Variants in MTMR10 observed in about 807,000 individuals in gnomAD.
MTMR10 encodes the protein myotubularin-related protein 10.
In MTMR10, 56 loss-of-function variants were observed where a neutral mutation model predicts 88.1. The observed-to-expected ratio is 0.64, with a 90% confidence interval of 0.51 to 0.79. The LOEUF is 0.79. Among genes scored for constraint, MTMR10 ranks in the 30% least tolerant of loss-of-function variants. The pLI is 0.00. For synonymous variants in MTMR10, 380 were observed against 340.9 expected, an observed-to-expected ratio of 1.11 and a Z score of -1.26; for missense variants, 883 against 924.7, an observed-to-expected ratio of 0.95 and a Z score of 0.58.
chr15:30,933,753 C>CT, the MTMR10 span, among the ~76,000 whole-genome samples: 51 of 136,140 alleles, frequency 3.7e-4, no homozygotes, highest in Middle Eastern at 3.8e-3. Context: ...TATTTCTTTT[C>CT]TTTTTTTTTT....
intron 1 of MTMR10, among the ~76,000 whole-genome samples, 182 bp from the exon 2 acceptor site, chr15:30,991,019 T>C (rs1222280827): frequency 6.6e-6 from 1 of 152,180 alleles, no homozygotes; most frequent in Non-Finnish European, 1.5e-5. Flanking sequence ...GGAAGCCTAA[T>C]AATAAAAAAT....
At chr15:30,961,123 C>G (rs1238379619) in intron 6 of MTMR10, 50 bp from the exon 7 acceptor site, 5 of 1,503,998 alleles carry the variant, frequency 3.3e-6, no homozygotes, top group Non-Finnish European at 4.4e-6. Flanking sequence ...TTTTCCCCAG[C>G]ATTCCCTCTT....
At chr15:30,942,821 T>C (rs147687849) in intron 15 of MTMR10, 69 bp downstream of exon 15, 2 of 1,435,520 alleles carry the variant, frequency 1.4e-6, no homozygotes, top group Non-Finnish European at 1.9e-6. Flanking sequence ...CTTTTAACGC[T>C]CTCTGTTCTG....
chr15:30,974,285 C>A, intron 5 of MTMR10, 29 bp downstream of exon 5: 1 of 1,535,546 alleles, frequency 6.5e-7, no homozygotes, highest in South Asian at 1.3e-5. Context: ...GTACAGAACC[C>A]AGAACTTGAT....
the MTMR10 span, chr15:30,929,497 T>G: frequency 4.2e-6 from 3 of 713,086 alleles, no homozygotes; most frequent in Non-Finnish European, 6.8e-6. Flanking sequence ...TGTGTATATG[T>G]AAATACATGT....
the MTMR10 span, chr15:30,930,525 C>T: frequency 6.3e-7 from 1 of 1,581,216 alleles, no homozygotes; most frequent in Admixed American, 2.1e-5. Flanking sequence ...GGCTAACTGT[C>T]CTGTGTTTTG....
intron 5 of MTMR10, among the ~76,000 whole-genome samples, chr15:30,970,530 C>T (rs955503556): frequency 2.6e-5 from 4 of 152,128 alleles, no homozygotes; most frequent in African/African-American, 9.7e-5. Context: ...AGTGGCTACA[C>T]TAATATTCAC....
chr15:30,934,727 C>T (rs991189104), downstream of MTMR10, among the ~76,000 whole-genome samples: 1 of 152,118 alleles, frequency 6.6e-6, no homozygotes, highest in African/African-American at 2.4e-5. Flanking sequence ...GGCTTGTTAG[C>T]TGTAACTGTT....
chr15:30,926,653 CAG>C, the MTMR10 span: 3,513 of 985,282 alleles, frequency 3.6e-3, 90 homozygotes, highest in African/African-American at 0.055. Flanking sequence ...CCAGTGAAGA[CAG>C]AGAGATACAG....
the MTMR10 span, among the ~76,000 whole-genome samples, chr15:30,930,069 T>C: frequency 6.8e-6 from 1 of 146,990 alleles, no homozygotes. Flanking sequence ...GAGAATACCC[T>C]ATCCCCCTGG....
intron 2 of MTMR10, among the ~76,000 whole-genome samples, chr15:30,990,253 G>A (rs770743107): frequency 1.6e-4 from 25 of 152,130 alleles, no homozygotes; most frequent in Non-Finnish European, 3.2e-4. Flanking sequence ...CATCTTTGTT[G>A]CTATACACAG....
the MTMR10 span, among the ~76,000 whole-genome samples, chr15:30,930,142 T>G: frequency 2.6e-5 from 4 of 151,152 alleles, no homozygotes; most frequent in African/African-American, 7.3e-5. Flanking sequence ...AGCTGTGCCT[T>G]TGCCACCCCT....
downstream of MTMR10, among the ~76,000 whole-genome samples, chr15:30,937,595 G>C (rs1356479246): frequency 1.3e-5 from 2 of 151,566 alleles, no homozygotes; most frequent in African/African-American, 4.8e-5. Context: ...GGGACTACAG[G>C]TGTGCGCCAC....
intron 12 of MTMR10, chr15:30,949,242 T>C (rs1434710533): frequency 1.3e-5 from 2 of 152,222 alleles, no homozygotes; most frequent in Non-Finnish European, 2.9e-5. Context: ...CTACAATTAA[T>C]GTTATTCCCA....
intron 14 of MTMR10, chr15:30,946,801 A>G (rs1369257991): frequency 2.9e-6 from 2 of 697,914 alleles, no homozygotes; most frequent in Non-Finnish European, 5.2e-6. Flanking sequence ...ATGTCGTGTA[A>G]CAGGGCTTTT....
Position 30,953,546 on chromosome 15 carries a change from G to C in MTMR10, c.1136+16C>G, listed in dbSNP as rs1378647055. ...AAATAAAAAGTTAAAGGAAAAGAAA[G>C]TAAAGAAGTACAAACCTTACATATT... On this transcript the variant is annotated intron_variant, in intron 11 of 15. Transcript: ENST00000435680. 1.3e-6 allele frequency: 2 copies of C among 1,511,670 alleles called. No individual in the cohort carries two copies. The highest frequency in any genetic ancestry group is 4.9e-5 in the East Asian group (2 of 40,718). The allele number at this position is 1,511,670 out of a possible 1,614,324, so 93.6% of individuals were successfully genotyped here. A position where few individuals can be genotyped will look rare whatever the true frequency, so the allele number is the denominator to read the frequency against.
chr15:30,983,949 G>C (rs1340892730), intron 2 of MTMR10, among the ~76,000 whole-genome samples: 1 of 152,170 alleles, frequency 6.6e-6, no homozygotes, highest in Non-Finnish European at 1.5e-5. Context: ...GAAGGGTATA[G>C]TGCCGATCTC....
the MTMR10 span, chr15:30,925,687 G>A: frequency 3.0e-6 from 4 of 1,321,422 alleles, no homozygotes; most frequent in Non-Finnish European, 4.2e-6. Flanking sequence ...CTAAGTGACT[G>A]ACTTTGTGGT....
intron 14 of MTMR10, 53 bp from the exon 15 acceptor site, chr15:30,943,125 CCTT>C (rs1455974099): frequency 1.1e-5 from 17 of 1,505,320 alleles, no homozygotes; most frequent in Admixed American, 2.2e-5. Context: ...CTCATGAATG[CCTT>C]TTTTCAGATG....
Sources: allele counts gnomAD v4.1 joint callset (sites outside exome capture counted in the v4.1 genomes callset), GRCh38; gene constraint gnomAD v4.1.1; transcripts MANE v1.5; gene names NCBI Gene and HGNC (gene_info 2026-07-23, HGNC 2026-07-21).